The following THBS4 variants were observed in gnomAD, a reference collection of about 807,000 sequenced individuals.
The protein encoded by THBS4 is thrombospondin-4.
Under a neutral mutation model 115.7 loss-of-function variants are expected in THBS4, and 90 were observed. The observed-to-expected ratio is 0.78, with a 90% CI of 0.66 to 0.93. The LOEUF is 0.93. Ranked by LOEUF, THBS4 falls within the 40% of genes least tolerant of loss-of-function variation. The pLI, the probability that THBS4 is intolerant of heterozygous loss-of-function variation, is 0.00. For missense variants in THBS4, 1,087 were observed against 1,232.7 expected (o/e 0.88, Z 1.77); for synonymous variants, 460 against 479.3 (o/e 0.96, Z 0.53).
At chr5:80,044,099 T>G (rs1415493157) in intron 2 of THBS4, among the ~76,000 whole-genome samples, 1 of 152,220 alleles carries the variant, frequency 6.6e-6, no homozygotes, top group Non-Finnish European at 1.5e-5. Context: ...AAGACCCATC[T>G]CCAGCTCCTT....
rs1833524973 is a variant in THBS4, at chr5:80,058,871, C to T, written c.732+81C>T. 26 of 1,402,906 alleles carry T rather than the reference C, an allele frequency of 1.9e-5. No individual in the cohort carries two copies. In the South Asian group the frequency reaches 3.2e-4, roughly 17 times the overall value. The allele number at this position is 1,402,906 out of a possible 1,614,324, so 86.9% of individuals were successfully genotyped here. On this transcript the variant is annotated intron_variant, in intron 5 of 21. Coordinates refer to ENST00000350881, the MANE Select transcript of THBS4 (RefSeq NM_003248.6). ...ACAAGCTAGTGGAGCTGCAGGCCTGCCCAGGCACGGGGGCAGCCTCTGAGC... is the reference window on the plus strand; with the variant it reads ...ACAAGCTAGTGGAGCTGCAGGCCTGTCCAGGCACGGGGGCAGCCTCTGAGC...
At chr5:80,013,893 C>T (rs1000134493) in intron 2 of THBS4, among the ~76,000 whole-genome samples, 1 of 152,146 alleles carries the variant, frequency 6.6e-6, no homozygotes, top group African/African-American at 2.4e-5. Flanking sequence ...GTAGATACCC[C>T]ATAACTAAGC....
chr5:80,080,128 CG>C, intron 20 of THBS4, 51 bp downstream of exon 20: 1 of 1,558,818 alleles, frequency 6.4e-7, no homozygotes, highest in Non-Finnish European at 8.7e-7. Flanking sequence ...AAGCATTCTC[CG>C]TTCTGCATCC....
upstream of THBS4, among the ~76,000 whole-genome samples, chr5:80,031,671 T>C (rs936414095): frequency 3.9e-5 from 6 of 152,204 alleles, no homozygotes; most frequent in Admixed American, 3.9e-4. Context: ...ACAGGCATGC[T>C]ATCATGGCAA....
At position 80,078,944 on chromosome 5, in the gene THBS4, G is replaced by A; in HGVS notation, c.2289G>A (p.Met763Ile). ...AGGGCATGGAGATTGTACAGACCATGAACAGTGATCCTGGCCTGGCAGTGG... is the reference window on the plus strand; with the variant it reads ...AGGGCATGGAGATTGTACAGACCATAAACAGTGATCCTGGCCTGGCAGTGG... Reference protein sequence around the residue: ...LNQGMEIVQTMNSDPGLAVGY... With the variant: ...LNQGMEIVQTINSDPGLAVGY... The change falls in exon 18 of 22, where the codon ATG (methionine) becomes ATA (isoleucine). Residue 763 changes from methionine to isoleucine, a missense_variant. Met to Ile is a conservative substitution (Grantham distance 10, BLOSUM62 1). Transcript: ENST00000350881. 6.2e-7 allele frequency: 1 copy of A among 1,614,126 alleles called. No individual in the cohort carries two copies. Among genetic ancestry groups the A allele is most frequent in the Non-Finnish European group, 8.5e-7 (1 of 1,179,996 alleles).
intron 15 of THBS4, 83 bp downstream of exon 15, chr5:80,073,410 G>T (rs894333606): frequency 1.6e-6 from 2 of 1,250,860 alleles, no homozygotes; most frequent in Non-Finnish European, 2.3e-6. Flanking sequence ...TTGAGGCGGA[G>T]TCTCACTCTA....
At chr5:80,055,722 T>C (rs923904881) in intron 2 of THBS4, 63 bp from the exon 3 acceptor site, 30 of 1,565,438 alleles carry the variant, frequency 1.9e-5, no homozygotes, top group Non-Finnish European at 2.5e-5. Flanking sequence ...ACACCATTTG[T>C]TGACCCTCCA....
intron 2 of THBS4, among the ~76,000 whole-genome samples, chr5:80,041,108 C>T (rs1003857635): frequency 1.3e-5 from 2 of 152,286 alleles, no homozygotes; most frequent in African/African-American, 2.4e-5. Context: ...AATTTCAGCA[C>T]GAGTTTTGAC....
chr5:80,032,094 G>A (rs1268158976), upstream of THBS4, among the ~76,000 whole-genome samples: 1 of 152,100 alleles, frequency 6.6e-6, no homozygotes, highest in Non-Finnish European at 1.5e-5. Flanking sequence ...AAAATCCAAT[G>A]TAAGTACATG....
intron 1 of THBS4, among the ~76,000 whole-genome samples, chr5:79,996,235 A>G (rs1831791832): frequency 6.6e-6 from 1 of 152,220 alleles, no homozygotes; most frequent in Non-Finnish European, 1.5e-5. Flanking sequence ...GTCAAATGTA[A>G]ATTAGTATTA....
intron 2 of THBS4, among the ~76,000 whole-genome samples, chr5:80,011,326 C>T (rs1438902970): frequency 6.6e-6 from 1 of 152,098 alleles, no homozygotes. Flanking sequence ...CAGACTAATA[C>T]AAGGGTAAAC....
intron 2 of THBS4, among the ~76,000 whole-genome samples, chr5:80,010,910 T>G (rs1832111393): frequency 6.6e-6 from 1 of 152,196 alleles, no homozygotes; most frequent in Non-Finnish European, 1.5e-5. Flanking sequence ...GCCAGTAGCC[T>G]TGCAGTTGGA....
chr5:80,074,626 CTT>C (rs35937190), intron 15 of THBS4, among the ~76,000 whole-genome samples: 31 of 142,446 alleles, frequency 2.2e-4, no homozygotes, highest in Admixed American at 4.9e-4. Flanking sequence ...CTCTCTCTCT[CTT>C]TTTTTTTTTT....
rs756441727 is a variant in THBS4, at chr5:80,040,079, T to C, written c.91T>C (p.Phe31Leu). 14 of 1,613,992 alleles carry C rather than the reference T, an allele frequency of 8.7e-6. No homozygotes were observed. Among genetic ancestry groups the C allele is most frequent in the Admixed American group, 1.7e-5 (1 of 60,002 alleles). The change falls in exon 2 of 22, where the codon TTT (phenylalanine) becomes CTT (leucine). Residue 31 changes from phenylalanine to leucine, a missense_variant and splice_region_variant. Phe to Leu is a conservative substitution (Grantham distance 22, BLOSUM62 0). This residue lies in a region of THBS4 where 979 missense variants were observed against 1,103.7 expected (regional missense o/e 0.89). Coordinates refer to ENST00000350881, the MANE Select transcript of THBS4 (RefSeq NM_003248.6). ...CCCTTCTTCTCCCTTCTTCCCAGTC[T>C]TTGACCTTCTCCCATCTTCCAGTCA... The part of the protein sequence containing the change: ...AAGAQATPQV[F>L]DLLPSSSQRL...
At chr5:80,070,209 C>A in intron 10 of THBS4, 97 bp from the exon 11 acceptor site, 2 of 1,014,620 alleles carry the variant, frequency 2.0e-6, no homozygotes, top group Non-Finnish European at 2.9e-6. Flanking sequence ...TGGGCCCTCC[C>A]CCTGGGATTG....
chr5:80,037,620 G>A (rs952923012), intron 1 of THBS4, among the ~76,000 whole-genome samples: 5 of 152,076 alleles, frequency 3.3e-5, no homozygotes, highest in South Asian at 2.1e-4. Flanking sequence ...TGAATCAGAC[G>A]AACCATAGAT....
chr5:80,051,015 G>A (rs1056692742), intron 2 of THBS4, among the ~76,000 whole-genome samples: 3 of 152,152 alleles, frequency 2.0e-5, no homozygotes, highest in African/African-American at 7.2e-5. Context: ...TTCCTGGAGG[G>A]ACAAAATGGT....
intron 15 of THBS4, chr5:80,075,224 G>A (rs1185463930): frequency 4.6e-5 from 7 of 152,016 alleles, no homozygotes; most frequent in Non-Finnish European, 5.9e-5. Flanking sequence ...CTGCGGATAC[G>A]GAACCGCGGA....
rs67048630 is a variant in THBS4, at chr5:80,080,579, CTTTT to C, written c.2684+524_2684+527del. On this transcript the variant is annotated intron_variant, in intron 20 of 21. Coordinates refer to ENST00000350881, the MANE Select transcript of THBS4 (RefSeq NM_003248.6). ...AACTGCATGAGAGCAGCGCTTGTAT[CTTTT>C]TTTTTTTTTTTTTTTTTTTTTGGAG... Among the ~76,000 whole-genome samples the C allele has an allele frequency of 1.9e-3, 94 of 50,500 alleles. 1 individual carries two copies. Among genetic ancestry groups the C allele is most frequent in the African/African-American group, 4.2e-3 (53 of 12,708 alleles). 33.1% of individuals were successfully genotyped at this position (50,500 alleles called of 152,430 possible). A position where few individuals can be genotyped will look rare whatever the true frequency, so the allele number is the denominator to read the frequency against.
Sources: allele counts gnomAD v4.1 joint callset (sites outside exome capture counted in the v4.1 genomes callset), GRCh38; gene constraint gnomAD v4.1.1; regional missense constraint gnomAD v4.1.1; transcripts MANE v1.5; gene names NCBI Gene and HGNC (gene_info 2026-07-23, HGNC 2026-07-21).